The following DTX2 variants were observed in gnomAD, a reference collection of about 807,000 sequenced individuals.
DTX2 encodes the protein deltex E3 ubiquitin ligase 2.
In DTX2, 29 loss-of-function variants were observed where a neutral mutation model predicts 55.3. The observed-to-expected ratio is 0.52, with a 90% confidence interval of 0.39 to 0.71. The LOEUF (loss-of-function observed/expected upper bound fraction) is 0.71. Ranked by LOEUF, DTX2 falls within the 30% of genes least tolerant of loss-of-function variation. The pLI, the probability that DTX2 is intolerant of heterozygous loss-of-function variation, is 0.00. For synonymous variants in DTX2, 276 were observed against 340.4 expected (o/e 0.81, Z 2.08); for missense variants, 537 against 822.5 (o/e 0.65, Z 4.25).
intron 2 of DTX2, among the ~76,000 whole-genome samples, chr7:76,469,105 A>C (rs1346641916): frequency 7.0e-6 from 1 of 141,914 alleles, no homozygotes; most frequent in African/African-American, 2.7e-5. Flanking sequence ...TTGGTATGCA[A>C]CCCCTCCTGT....
chr7:76,464,694 G>C (rs1421485659), intron 2 of DTX2, among the ~76,000 whole-genome samples: 3 of 151,896 alleles, frequency 2.0e-5, no homozygotes, highest in Non-Finnish European at 2.9e-5. Context: ...ACCGTGCCTG[G>C]CCTCGTGAGG....
chr7:76,471,365 G>A (rs1274777024), intron 2 of DTX2, among the ~76,000 whole-genome samples: 4 of 149,850 alleles, frequency 2.7e-5, no homozygotes, highest in Non-Finnish European at 5.9e-5. Context: ...GTTTCACCAT[G>A]TTAGCCACGA....
intron 7 of DTX2, chr7:76,501,409 C>T (rs1811669857): frequency 5.2e-6 from 2 of 386,520 alleles, no homozygotes; most frequent in Admixed American, 6.4e-5. Flanking sequence ...CCCTGGTGTC[C>T]ATCTGGTGTG....
intron 2 of DTX2, chr7:76,474,700 T>G (rs1022179453): frequency 2.0e-5 from 3 of 152,002 alleles, no homozygotes; most frequent in Non-Finnish European, 2.9e-5. Context: ...ACAACTGCAG[T>G]GAGATCCAAG....
chr7:76,471,453 G>A (rs1279664207), intron 2 of DTX2, among the ~76,000 whole-genome samples: 9 of 150,724 alleles, frequency 6.0e-5, no homozygotes, highest in African/African-American at 9.9e-5. Context: ...GAGCCACCGC[G>A]CCCAGCCTGG....
At chr7:76,480,293 A>T (rs1563732065) in intron 2 of DTX2, 128 bp from the exon 3 acceptor site, 2 of 543,154 alleles carry the variant, frequency 3.7e-6, no homozygotes, top group South Asian at 5.3e-5. Flanking sequence ...TGAGAGAGTG[A>T]GACCCTGTAA....
chr7:76,468,993 G>A (rs1807533265), intron 2 of DTX2, among the ~76,000 whole-genome samples: 1 of 115,444 alleles, frequency 8.7e-6, no homozygotes, highest in African/African-American at 3.3e-5. Context: ...TCAAACTCCT[G>A]GCCTCAAATG....
At chr7:76,467,925 C>G (rs1483927062) in intron 2 of DTX2, among the ~76,000 whole-genome samples, 6 of 152,296 alleles carry the variant, frequency 3.9e-5, no homozygotes, top group Admixed American at 2.6e-4. Context: ...CTGACCTGCC[C>G]TGGGCACTGC....
At chr7:76,484,743 T>C (rs1355783825) in intron 4 of DTX2, among the ~76,000 whole-genome samples, 2 of 152,012 alleles carry the variant, frequency 1.3e-5, no homozygotes, top group Non-Finnish European at 2.9e-5. Flanking sequence ...CTTGGACCTC[T>C]AGTATTTGTT....
intron 2 of DTX2, chr7:76,472,049 G>A (rs1373042134): frequency 2.7e-5 from 4 of 149,652 alleles, no homozygotes; most frequent in Non-Finnish European, 5.9e-5. Flanking sequence ...GGAGGCACTG[G>A]CCTGAGTGAT....
Position 76,491,207 on chromosome 7 carries a change from A to G in DTX2, c.909-946A>G, listed in dbSNP as rs1347368234. 4.0e-5 allele frequency among the ~76,000 whole-genome samples: 6 copies of G among 151,592 alleles called. No individual in the cohort carries two copies. The East Asian group carries it at 9.7e-4, about 25-fold the overall frequency. On this transcript the variant is annotated intron_variant, in intron 4 of 10. Transcript: ENST00000430490. ...GAGACAGGATTTTGCCATCTTGGCC[A>G]GGCTGGTCTTGAACTCCTGACCTCG... is the stretch of plus-strand genomic sequence containing the variant.
intron 6 of DTX2, among the ~76,000 whole-genome samples, chr7:76,498,961 G>T (rs1811293472): frequency 3.7e-5 from 2 of 53,584 alleles, no homozygotes; most frequent in African/African-American, 1.2e-4. Context: ...TGTGTGGGGT[G>T]TATGGAGGTG....
At chr7:76,492,054 A>C in intron 4 of DTX2, 99 bp from the exon 5 acceptor site, 1 of 577,644 alleles carries the variant, frequency 1.7e-6, no homozygotes, top group Non-Finnish European at 2.7e-6. Flanking sequence ...GCGCGAAGAC[A>C]CCTCAGTGAC....
chr7:76,499,994 C>G (rs1345183785), intron 6 of DTX2: 1 of 385,114 alleles, frequency 2.6e-6, no homozygotes, highest in Non-Finnish European at 5.2e-6. Flanking sequence ...ACCCCAGACT[C>G]CCTTGTCCCT....
intron 6 of DTX2, among the ~76,000 whole-genome samples, chr7:76,498,918 T>G (rs1440150084): frequency 4.0e-4 from 3 of 7,472 alleles, no homozygotes; most frequent in Non-Finnish European, 8.2e-4. Flanking sequence ...GTGTGTGGAG[T>G]GTGTGTGGAG....
intron 2 of DTX2, among the ~76,000 whole-genome samples, chr7:76,469,388 A>T (rs1212662190): frequency 7.2e-6 from 1 of 138,444 alleles, no homozygotes; most frequent in African/African-American, 2.7e-5. Flanking sequence ...TTTACTGTGA[A>T]TATTCCTTTT....
At position 76,505,491 on chromosome 7, in the gene DTX2, A is replaced by T. The variant is rs1227267890; in HGVS notation, c.1759A>T (p.Met587Leu). 6.2e-7 allele frequency: 1 copy of T among 1,610,070 alleles called. No homozygotes were observed. The highest frequency in any genetic ancestry group is 1.1e-5 in the South Asian group (1 of 90,200). ...GAACGAGATCCACCACAAGACAGAG[A>T]TGGACCGCAACATTACGGGCCACGG... ...VWNEIHHKTE[M>L]DRNITGHGYP... The change falls in exon 11 of 11, where the codon ATG becomes TTG. Residue 587 changes from methionine (M) to leucine (L), a missense_variant. Around this residue, in one of 7 missense-constraint regions of DTX2, gnomAD observed 59 missense variants for 54.1 expected, o/e 1.09. Coordinates refer to ENST00000430490, the MANE Select transcript of DTX2 (RefSeq NM_001102594.3). The surrounding 1 kb of genome is among the most constrained non-coding windows in gnomAD (Gnocchi z 4.4).
chr7:76,480,582 C>T lies in DTX2; in HGVS notation c.73C>T (p.Gln25Ter). 1 of 1,612,924 alleles carries T rather than the reference C, an allele frequency of 6.2e-7. No homozygotes were observed. The highest frequency in any genetic ancestry group is 8.5e-7 in the Non-Finnish European group (1 of 1,179,970). ...SPAAVAVWEW[Q>*]DGLGTWHPYS... ...CGCGGCTGTGGCCGTGTGGGAATGG[C>T]AGGACGGGCTGGGCACCTGGCACCC... The change falls in exon 3 of 11, where the codon CAG (glutamine) becomes TAG (stop). Residue 25 changes from glutamine to a stop codon, truncating the protein, a stop_gained. Transcript: ENST00000430490. LOFTEE classifies it high-confidence loss of function.
rs141848345 is a variant in DTX2, at chr7:76,481,956, C to T, written c.269-552C>T. Reference sequence around the variant, plus strand: ...CAAGTGATCCTCCTGCCTTGGCCTCCGAAAGTGTTGGGATTACAGGCTCGA... The same window carrying T: ...CAAGTGATCCTCCTGCCTTGGCCTCTGAAAGTGTTGGGATTACAGGCTCGA... On this transcript the variant is annotated intron_variant, in intron 3 of 10. Transcript: ENST00000430490. Among the ~76,000 whole-genome samples the T allele has an allele frequency of 0.013, 1,924 of 151,668 alleles. 94 individuals carry two copies. The East Asian group carries it at 0.13, about 10-fold the overall frequency.
Sources: gnomAD v4.1 joint callset for allele counts (sites outside exome capture counted in the v4.1 genomes callset) on GRCh38, gnomAD v4.1.1 for gene constraint, gnomAD v4.1.1 regional missense constraint, Gnocchi (gnomAD v3.1) non-coding constraint, MANE v1.5 for transcripts, NCBI Gene and HGNC (gene_info 2026-07-23, HGNC 2026-07-21) for gene names.